Variants in CSMD3 observed in about 807,000 individuals in gnomAD.
The protein encoded by CSMD3 is CUB and Sushi multiple domains 3.
Under a neutral mutation model 435.2 loss-of-function variants are expected in CSMD3, and 177 were observed. The ratio of observed to expected loss-of-function variants is 0.41; its 90% CI spans 0.36 to 0.46. CSMD3 has a LOEUF of 0.46. Ranked by LOEUF, CSMD3 falls within the 20% of genes least tolerant of loss-of-function variation. The probability of loss-of-function intolerance (pLI) is 0.34; values close to 1 mark genes in which losing one functional copy is unlikely to be tolerated. For synonymous variants in CSMD3, 1,656 were observed against 1,520.5 expected (o/e 1.09, Z -2.07); for missense variants, 4,265 against 4,504.6 (o/e 0.95, Z 1.52).
intron 3 of CSMD3, among the ~76,000 whole-genome samples, chr8:113,270,732 A>G (rs1190251473): frequency 6.6e-6 from 1 of 151,476 alleles, no homozygotes; most frequent in Non-Finnish European, 1.5e-5. Context: ...AGGACAAAAT[A>G]CCAAACACCG....
At position 112,223,759 on chromosome 8, in the gene CSMD3, T is replaced by G. The variant is rs1812343755; in HGVS notation, c.*1012A>C. 6.6e-6 allele frequency: 1 copy of G among 152,100 alleles called. No individual in the cohort carries two copies. The highest frequency in any genetic ancestry group is 2.1e-4 in the South Asian group (1 of 4,832). The allele number at this position is 152,100 out of a possible 1,614,324, so 9.4% of individuals were successfully genotyped here. On this transcript the variant is annotated 3_prime_UTR_variant, in exon 71 of 71. Transcript: ENST00000297405. The stretch of plus-strand genomic sequence containing the variant: ...CATTGTTAAATGAAAATTAAAAGTG[T>G]CAAAATAATGCTAAATTTGAAGACT...
At chr8:113,061,002 G>A (rs866161934) in intron 5 of CSMD3, among the ~76,000 whole-genome samples, 12 of 152,180 alleles carry the variant, frequency 7.9e-5, no homozygotes, top group Middle Eastern at 6.8e-3. Context: ...CTGACTTTAA[G>A]TAGCTGCACT....
At chr8:113,032,549 T>C (rs2087159135) in intron 5 of CSMD3, among the ~76,000 whole-genome samples, 1 of 151,610 alleles carries the variant, frequency 6.6e-6, no homozygotes, top group African/African-American at 2.4e-5. Flanking sequence ...ACCTGGCTTA[T>C]TTTGAAAGTG....
At chr8:112,997,838 G>A (rs190334981) in intron 6 of CSMD3, among the ~76,000 whole-genome samples, 300 of 140,272 alleles carry the variant, frequency 2.1e-3, no homozygotes, top group Admixed American at 4.7e-3. Context: ...TAAAATATAC[G>A]TATGTATGTA....
chr8:112,505,980 C>T (rs1360334445), intron 29 of CSMD3, among the ~76,000 whole-genome samples: 7 of 152,006 alleles, frequency 4.6e-5, no homozygotes, highest in Non-Finnish European at 7.4e-5. Flanking sequence ...CTGTATCATC[C>T]ATTTTGATAT....
intron 40 of CSMD3, among the ~76,000 whole-genome samples, chr8:112,350,749 C>T (rs1826066170): frequency 6.6e-6 from 1 of 152,020 alleles, no homozygotes; most frequent in Non-Finnish European, 1.5e-5. Context: ...TCTTGACTGC[C>T]TGACACCACT....
intron 3 of CSMD3, among the ~76,000 whole-genome samples, chr8:113,191,769 A>G (rs1298318065): frequency 1.3e-5 from 2 of 151,748 alleles, no homozygotes; most frequent in Admixed American, 6.6e-5. Flanking sequence ...CTTTGGGTAT[A>G]TACCCAGTAA....
intron 10 of CSMD3, among the ~76,000 whole-genome samples, chr8:112,866,212 T>C (rs1311723881): frequency 6.6e-6 from 1 of 152,196 alleles, no homozygotes; most frequent in Non-Finnish European, 1.5e-5. Flanking sequence ...GTAGTTCTTG[T>C]ATCTTCAAAT....
intron 32 of CSMD3, among the ~76,000 whole-genome samples, chr8:112,454,132 A>G (rs2130622602): frequency 1.3e-5 from 2 of 152,354 alleles, no homozygotes; most frequent in South Asian, 4.1e-4. Flanking sequence ...GTAAGACGTC[A>G]AACTATAAAA....
intron 7 of CSMD3, among the ~76,000 whole-genome samples, chr8:112,958,713 G>T (rs910923530): frequency 1.3e-5 from 2 of 151,988 alleles, no homozygotes; most frequent in East Asian, 3.9e-4. Flanking sequence ...ATATATTCAC[G>T]CATATAAATC....
intron 8 of CSMD3, among the ~76,000 whole-genome samples, chr8:112,951,822 T>C (rs1177977647): frequency 6.6e-6 from 1 of 151,620 alleles, no homozygotes; most frequent in African/African-American, 2.4e-5. Context: ...GCTCACAGTT[T>C]CCTCATAATT....
At chr8:112,642,960 C>G (rs1395355026) in intron 20 of CSMD3, among the ~76,000 whole-genome samples, 1 of 152,100 alleles carries the variant, frequency 6.6e-6, no homozygotes. Context: ...AAGAGATAAG[C>G]TGGAATGCAT....
intron 13 of CSMD3, among the ~76,000 whole-genome samples, chr8:112,693,538 T>A (rs1405510938): frequency 6.6e-6 from 1 of 152,068 alleles, no homozygotes; most frequent in Non-Finnish European, 1.5e-5. Context: ...TTGATTTTAA[T>A]TCTTTCATAA....
chr8:112,350,274 CTTTTTTT>C (rs201171217), intron 40 of CSMD3, among the ~76,000 whole-genome samples: 1 of 121,266 alleles, frequency 8.2e-6, no homozygotes. Flanking sequence ...AAGTCATGGA[CTTTTTTT>C]TTTTTTTTTT....
chr8:113,237,804 C>T (rs57704630), intron 3 of CSMD3, among the ~76,000 whole-genome samples: 15,821 of 152,110 alleles, frequency 0.1, 956 homozygotes, highest in Middle Eastern at 0.17. Context: ...GGGCCGGGAG[C>T]GATAGCTCAT....
chr8:112,587,166 T>C lies in CSMD3; in HGVS notation c.3785A>G (p.Glu1262Gly), dbSNP rs750163783. The C allele has an allele frequency of 1.2e-6, 2 of 1,610,456 alleles. No individual in the cohort carries two copies. Among genetic ancestry groups the C allele is most frequent in the Admixed American group, 1.7e-5 (1 of 59,882 alleles). Residue 1262 changes from glutamate to glycine, a missense_variant, in exon 23 of 71, where the codon GAA becomes GGA. This residue lies in a region of CSMD3 where 3,255 missense variants were observed against 3,380.2 expected (regional missense o/e 0.96). Transcript: ENST00000297405. The stretch of plus-strand genomic sequence containing the variant: ...ACTATAAATGCATTCATGGTTGTTT[T>C]CATAGTTGAGTGGATAATTTGGAGA... ...LLSPNYPLNY[E>G]NNHECIYSIQ...
At chr8:113,349,930 C>A (rs1423132358) in intron 1 of CSMD3, among the ~76,000 whole-genome samples, 2 of 151,952 alleles carry the variant, frequency 1.3e-5, no homozygotes, top group East Asian at 1.9e-4. Context: ...TAGAATGCAA[C>A]AGAAGCAAGT....
intron 3 of CSMD3, among the ~76,000 whole-genome samples, chr8:113,212,027 C>T (rs1277761890): frequency 2.0e-5 from 3 of 151,974 alleles, no homozygotes. Context: ...TAATAAATGA[C>T]TAAAAATTGA....
intron 17 of CSMD3, among the ~76,000 whole-genome samples, chr8:112,658,008 A>G (rs1166488871): frequency 6.6e-6 from 1 of 152,226 alleles, no homozygotes; most frequent in Non-Finnish European, 1.5e-5. Context: ...TGGATCAAAG[A>G]AAAAATGAAT....
Sources: allele counts gnomAD v4.1 joint callset (sites outside exome capture counted in the v4.1 genomes callset), GRCh38; gene constraint gnomAD v4.1.1; regional missense constraint gnomAD v4.1.1; transcripts MANE v1.5; gene names NCBI Gene and HGNC (gene_info 2026-07-23, HGNC 2026-07-21).